Variants in PROZ observed in about 807,000 individuals in gnomAD.
The protein encoded by PROZ is vitamin K-dependent protein Z.
PROZ carries 46 observed loss-of-function variants against 34.9 expected under a neutral mutation model. The observed-to-expected ratio is 1.32, with a 90% CI of 1.04 to 1.69. The LOEUF is 1.69. Ranked by LOEUF, PROZ falls within the 40% of genes most tolerant of loss-of-function variation. The probability of loss-of-function intolerance (pLI) is 0.00; values close to 1 mark genes in which losing one functional copy is unlikely to be tolerated. For synonymous variants in PROZ, 195 were observed against 208.5 expected, an observed-to-expected ratio of 0.94 and a Z score of 0.56; for missense variants, 530 against 520.4, an observed-to-expected ratio of 1.02 and a Z score of -0.18.
At chr13:113,163,184 CG>C in intron 4 of PROZ, 62 bp downstream of exon 4, 2 of 1,360,178 alleles carry the variant, frequency 1.5e-6, no homozygotes, top group Non-Finnish European at 2.0e-6. Context: ...CTCACATCCT[CG>C]GCCAGAGTCC....
chr13:113,160,581 C>T lies in PROZ; in HGVS notation c.235-367C>T, dbSNP rs3024721. Among the ~76,000 whole-genome samples the T allele has an allele frequency of 7.4e-3, 1,121 of 152,198 alleles. 22 individuals carry two copies. Among genetic ancestry groups the T allele is most frequent in the African/African-American group, 0.025 (1,042 of 41,516 alleles). On this transcript the variant is annotated intron_variant, in intron 2 of 7. Coordinates refer to ENST00000375547, the MANE Select transcript of PROZ (RefSeq NM_003891.3). ...AAAATTCAACTCGGTTTATAAAAAGCGAAAAGGTGATGTGACTTCTATATC... is the reference window on the plus strand; with the variant it reads ...AAAATTCAACTCGGTTTATAAAAAGTGAAAAGGTGATGTGACTTCTATATC...
chr13:113,163,384 C>G (rs990209428), intron 4 of PROZ, among the ~76,000 whole-genome samples: 24 of 152,226 alleles, frequency 1.6e-4, no homozygotes, highest in Non-Finnish European at 2.1e-4. Flanking sequence ...TCTCCTCCCC[C>G]CACCACCTCA....
At chr13:113,165,947 G>A (rs1051630637) in intron 6 of PROZ, among the ~76,000 whole-genome samples, 6 of 152,116 alleles carry the variant, frequency 3.9e-5, no homozygotes, top group Non-Finnish European at 8.8e-5. Context: ...CTCATTCTGG[G>A]TCCATTTGCT....
rs763734762 is a variant in PROZ, at chr13:113,164,631, G to A, written c.492G>A (p.Gln164=). 2 of 1,613,776 alleles carry A rather than the reference G, an allele frequency of 1.2e-6. No individual in the cohort carries two copies. Among genetic ancestry groups the A allele is most frequent in the South Asian group, 2.2e-5 (2 of 91,074 alleles). Reference sequence around the variant, plus strand: ...ACAGGCTTGGTGAGGACCACAAACAGTGTGTGCCCCACGGTGAGTGCTCAG... The same window carrying A: ...ACAGGCTTGGTGAGGACCACAAACAATGTGTGCCCCACGGTGAGTGCTCAG... ...QGYRLGEDHK[Q]CVPHDQCACG... The change falls in exon 5 of 8, where the codon CAG becomes CAA. Residue 164 remains glutamine, a synonymous_variant. Transcript: ENST00000375547.
intron 3 of PROZ, among the ~76,000 whole-genome samples, chr13:113,161,456 G>A (rs1336128649): frequency 6.6e-5 from 10 of 152,266 alleles, no homozygotes; most frequent in African/African-American, 2.2e-4. Context: ...GGAGACCCAC[G>A]GGGCTGGGGG....
At position 113,172,050 on chromosome 13, in the gene PROZ, TCCTTGTCACCAAG is replaced by T. The variant is rs2037126707; in HGVS notation, c.1149_1161del (p.Leu384SerfsTer12). 2 of 1,612,930 alleles carry T rather than the reference TCCTTGTCACCAAG, an allele frequency of 1.2e-6. No homozygotes were observed. The highest frequency in any genetic ancestry group is 8.5e-7 in the Non-Finnish European group (1 of 1,180,018). On this transcript the variant is annotated frameshift_variant, in exon 8 of 8. Coordinates refer to ENST00000375547, the MANE Select transcript of PROZ (RefSeq NM_003891.3). LOFTEE classifies it high-confidence loss of function. Reference sequence around the variant, plus strand: ...CCAGTAGGAGGGCAGGCTCACATGGTCCTTGTCACCAAGGTCTCCAGGTACTCACTCTGGTTTA... The same window carrying T: ...CCAGTAGGAGGGCAGGCTCACATGGTGTCTCCAGGTACTCACTCTGGTTTA...
In PROZ at chr13:113,171,454, C is replaced by T. The variant is rs2037108494; in HGVS notation, c.692-140C>T. 4 of 988,902 alleles carry T rather than the reference C, an allele frequency of 4.0e-6. No homozygotes were observed. The highest frequency in any genetic ancestry group is 6.1e-6 in the Non-Finnish European group (4 of 661,008). 61.3% of individuals were successfully genotyped at this position (988,902 alleles called of 1,614,324 possible). On this transcript the variant is annotated intron_variant, in intron 7 of 7. Coordinates refer to ENST00000375547, the MANE Select transcript of PROZ (RefSeq NM_003891.3). The surrounding 1 kb of genome is among the most constrained non-coding windows in gnomAD (Gnocchi z 5.1). ...TTCTGTCCGCAGAAAGGCACAGTGT[C>T]CACACCACGGGGCGGTGAGCCTGCG...
intron 6 of PROZ, among the ~76,000 whole-genome samples, chr13:113,165,349 C>T (rs1314185379): frequency 4.6e-5 from 7 of 152,204 alleles, no homozygotes; most frequent in African/African-American, 9.6e-5. Context: ...CTTTCCTCTG[C>T]AGTTCCAAAC....
At position 113,171,545 on chromosome 13, in the gene PROZ, C is replaced by A; in HGVS notation, c.692-49C>A. On this transcript the variant is annotated intron_variant, in intron 7 of 7. Coordinates refer to ENST00000375547, the MANE Select transcript of PROZ (RefSeq NM_003891.3). The surrounding 1 kb of genome is among the most constrained non-coding windows in gnomAD (Gnocchi z 5.1). ...TGAGAAGCTCGTTTGAGCATTATGTCCCCTTGAAAATCAGACTGTAAAGAA... is the reference window on the plus strand; with the variant it reads ...TGAGAAGCTCGTTTGAGCATTATGTACCCTTGAAAATCAGACTGTAAAGAA... 1.9e-6 allele frequency: 3 copies of A among 1,612,194 alleles called. No individual in the cohort carries two copies. Among genetic ancestry groups the A allele is most frequent in the Non-Finnish European group, 2.5e-6 (3 of 1,179,336 alleles).
chr13:113,161,042 C>G lies in PROZ; in HGVS notation c.259+70C>G, dbSNP rs180923575. ...ATGAGGTGCGTGGGTGGGCTTAGGA[C>G]GCTTCACGACCCCAGCTCAGCGGAT... On this transcript the variant is annotated intron_variant, in intron 3 of 7. Coordinates refer to ENST00000375547, the MANE Select transcript of PROZ (RefSeq NM_003891.3). The G allele has an allele frequency of 2.9e-5, 39 of 1,355,782 alleles. No individual in the cohort carries two copies. In the African/African-American group the frequency reaches 5.3e-4, roughly 18 times the overall value. The allele number at this position is 1,355,782 out of a possible 1,614,324, so 84.0% of individuals were successfully genotyped here.
At chr13:113,167,181 A>C (rs2036963180) in intron 6 of PROZ, among the ~76,000 whole-genome samples, 1 of 152,202 alleles carries the variant, frequency 6.6e-6, no homozygotes, top group African/African-American at 2.4e-5. Context: ...AGTATCACTA[A>C]AAGTCTGGCA....
chr13:113,165,955 G>C (rs565912663), intron 6 of PROZ: 2 of 152,304 alleles, frequency 1.3e-5, no homozygotes, highest in African/African-American at 4.8e-5. Flanking sequence ...GGGTCCATTT[G>C]CTGTCTGGCC....
At chr13:113,167,211 G>A (rs1300540271) in intron 6 of PROZ, among the ~76,000 whole-genome samples, 6 of 152,178 alleles carry the variant, frequency 3.9e-5, no homozygotes, top group African/African-American at 9.7e-5. Context: ...CGCAAGTGCC[G>A]TCTTCTCTCG....
At chr13:113,163,828 C>T (rs1453744032) in intron 4 of PROZ, among the ~76,000 whole-genome samples, 2 of 151,910 alleles carry the variant, frequency 1.3e-5, no homozygotes, top group Middle Eastern at 3.2e-3. Context: ...GTCACACTAA[C>T]CCCCTCCCAT....
Position 113,161,577 on chromosome 13 carries a change from C to T in PROZ, c.259+605C>T, listed in dbSNP as rs538982863. Among the ~76,000 whole-genome samples the T allele has an allele frequency of 3.2e-3, 488 of 152,166 alleles. 2 individuals are homozygous for T. The highest frequency in any genetic ancestry group is 0.01 in the African/African-American group (435 of 41,522). On this transcript the variant is annotated intron_variant, in intron 3 of 7. Coordinates refer to ENST00000375547, the MANE Select transcript of PROZ (RefSeq NM_003891.3). ...AGGAAGCGGGAGAGGCAGGGAAGGC[C>T]GGAGAAGGGCTGATGGGGCGGGACA... is the stretch of plus-strand genomic sequence containing the variant.
chr13:113,166,923 A>C (rs2036953965), intron 6 of PROZ, among the ~76,000 whole-genome samples: 1 of 152,218 alleles, frequency 6.6e-6, no homozygotes, highest in Admixed American at 6.5e-5. Context: ...GCTAAGAGCC[A>C]TATAACCAGG....
intron 3 of PROZ, 76 bp from the exon 4 acceptor site, chr13:113,162,933 T>TCCCCCC: frequency 1.3e-6 from 1 of 759,508 alleles, no homozygotes; most frequent in Non-Finnish European, 2.0e-6. Flanking sequence ...CCCATTCCTG[T>TCCCCCC]CACCACCCCC....
intron 6 of PROZ, among the ~76,000 whole-genome samples, chr13:113,167,352 C>G (rs2036968973): frequency 6.6e-6 from 1 of 152,186 alleles, no homozygotes; most frequent in Non-Finnish European, 1.5e-5. Flanking sequence ...ATGAAGAGTT[C>G]CAGGAACGAC....
chr13:113,171,426 C>A lies in PROZ; in HGVS notation c.692-168C>A, dbSNP rs144001865. ...TTGCAATCGTGCAATCTGTGAGTGG[C>A]CTTTCTGTCCGCAGAAAGGCACAGT... On this transcript the variant is annotated intron_variant, in intron 7 of 7. Transcript: ENST00000375547. The surrounding 1 kb of genome is among the most constrained non-coding windows in gnomAD (Gnocchi z 5.1). 1.3e-5 allele frequency among the ~76,000 whole-genome samples: 2 copies of A among 152,296 alleles called. No individual in the cohort carries two copies. Among genetic ancestry groups the A allele is most frequent in the Non-Finnish European group, 2.9e-5 (2 of 68,024 alleles).
Sources: allele counts gnomAD v4.1 joint callset (sites outside exome capture counted in the v4.1 genomes callset), GRCh38; gene constraint gnomAD v4.1.1; non-coding constraint Gnocchi (gnomAD v3.1); transcripts MANE v1.5; gene names NCBI Gene and HGNC (gene_info 2026-07-23, HGNC 2026-07-21).